THUMPD3: variants seen among roughly 807,000 people sequenced by gnomAD.
THUMPD3 encodes the protein tRNA (guanine(6)-N(2))-methyltransferase THUMP3.
A neutral mutation model predicts 54.5 loss-of-function variants in THUMPD3; 44 were observed. That is an observed-to-expected ratio of 0.81 (90% CI 0.63 to 1.04). The LOEUF is 1.04. Ranked by LOEUF, THUMPD3 falls within the 50% of genes least tolerant of loss-of-function variation. THUMPD3 has a pLI of 0.00. For missense variants in THUMPD3, 604 were observed against 601.3 expected, an observed-to-expected ratio of 1.00 and a Z score of -0.05; for synonymous variants, 196 against 201.4, an observed-to-expected ratio of 0.97 and a Z score of 0.23.
At chr3:9,375,418 G>A (rs996687997) in intron 5 of THUMPD3, among the ~76,000 whole-genome samples, 59 of 152,226 alleles carry the variant, frequency 3.9e-4, no homozygotes, top group African/African-American at 1.4e-3. Flanking sequence ...CAGAGTACAC[G>A]ACCTATCTTT....
chr3:9,383,393 AT>A, intron 8 of THUMPD3, 84 bp downstream of exon 8: 1 of 1,033,978 alleles, frequency 9.7e-7, no homozygotes. Context: ...AAAATCTTGA[AT>A]TTTAGCAGAC....
intron 9 of THUMPD3, 56 bp from the exon 10 acceptor site, chr3:9,384,468 A>T (rs2033182238): frequency 6.2e-7 from 1 of 1,609,874 alleles, no homozygotes; most frequent in African/African-American, 1.3e-5. Context: ...TAAGAATCCT[A>T]GTTGATGTAA....
intron 3 of THUMPD3, among the ~76,000 whole-genome samples, chr3:9,368,758 A>C (rs2031777399): frequency 6.6e-6 from 1 of 152,238 alleles, no homozygotes; most frequent in Non-Finnish European, 1.5e-5. Context: ...GTAAAGACTG[A>C]ATGGATATAG....
chr3:9,374,780 C>A, intron 5 of THUMPD3, 134 bp downstream of exon 5: 1 of 1,018,862 alleles, frequency 9.8e-7, no homozygotes, highest in Non-Finnish European at 1.4e-6. Flanking sequence ...GAATGGAAAG[C>A]TAATGATCTA....
chr3:9,365,251 G>T lies in THUMPD3; in HGVS notation c.183G>T (p.Gly61=). 1 of 1,614,134 alleles carries T rather than the reference G, an allele frequency of 6.2e-7. No individual in the cohort carries two copies. Among genetic ancestry groups the T allele is most frequent in the Non-Finnish European group, 8.5e-7 (1 of 1,180,028 alleles). Residue 61 remains glycine (G), a synonymous_variant, in exon 2 of 10, where the codon GGG becomes GGT. Coordinates refer to ENST00000452837, the MANE Select transcript of THUMPD3 (RefSeq NM_001114092.2). ...CAGATGAAGTCAGAGAGAAACTTGG[G>T]TCATCATGCAAAATCAGCAGAGACC... The part of the protein sequence containing the change: ...TAADEVREKL[G]SSCKISRDRG...
chr3:9,376,676 C>G (rs771173907), intron 5 of THUMPD3, among the ~76,000 whole-genome samples: 1 of 152,004 alleles, frequency 6.6e-6, no homozygotes, highest in Non-Finnish European at 1.5e-5. Flanking sequence ...ATCATACATG[C>G]GATAAGTCCC....
chr3:9,364,109 AAGAT>A lies in THUMPD3; in HGVS notation c.-53-900_-53-897del, dbSNP rs1186647609. 11 of 152,072 alleles carry A rather than the reference AAGAT, an allele frequency of 7.2e-5. No individual in the cohort carries two copies. In the East Asian group the frequency reaches 1.7e-3, roughly 24 times the overall value. 9.4% of individuals were successfully genotyped at this position (152,072 alleles called of 1,614,324 possible). A position where few individuals can be genotyped will look rare whatever the true frequency, so the allele number is the denominator to read the frequency against. On this transcript the variant is annotated intron_variant, in intron 1 of 9. Coordinates refer to ENST00000452837, the MANE Select transcript of THUMPD3 (RefSeq NM_001114092.2). Reference sequence around the variant, plus strand: ...GAAATGCTATTTCACAGGAGGGAAGAAGATAGATAGCCTATTAATAAGTTTTAAT... The same window carrying A: ...GAAATGCTATTTCACAGGAGGGAAGAAGATAGCCTATTAATAAGTTTTAAT...
chr3:9,381,346 T>C (rs2032877109), intron 7 of THUMPD3, among the ~76,000 whole-genome samples: 1 of 152,246 alleles, frequency 6.6e-6, no homozygotes, highest in Middle Eastern at 3.2e-3. Flanking sequence ...GTCTCTCTGA[T>C]CTAATTTTTT....
chr3:9,383,305 A>C lies in THUMPD3; in HGVS notation c.1231A>C (p.Lys411Gln). The C allele has an allele frequency of 6.2e-7, 1 of 1,604,082 alleles. No individual in the cohort carries two copies. Among genetic ancestry groups the C allele is most frequent in the Middle Eastern group, 1.7e-4 (1 of 6,052 alleles). ...DIIVTDLPFG[K>Q]RMGSKKRNWN... ...TATTGTAACAGATTTGCCATTTGGA[A>C]AAAGGTGAGAAATACTAGTACCTGC... The change falls in exon 8 of 10, where the codon AAA (lysine) becomes CAA (glutamine). Residue 411 changes from lysine (K) to glutamine (Q), a missense_variant. Physicochemically the swap from Lys to Gln is moderately conservative, Grantham distance 53. Coordinates refer to ENST00000452837, the MANE Select transcript of THUMPD3 (RefSeq NM_001114092.2).
chr3:9,382,920 A>G (rs2033033451), intron 7 of THUMPD3: 1 of 259,696 alleles, frequency 3.9e-6, no homozygotes, highest in Non-Finnish European at 7.6e-6. Context: ...TTTAGAGACA[A>G]GGTCTCACAG....
At chr3:9,375,057 A>T (rs560822283) in intron 5 of THUMPD3, among the ~76,000 whole-genome samples, 1 of 152,020 alleles carries the variant, frequency 6.6e-6, no homozygotes, top group Non-Finnish European at 1.5e-5. Context: ...ACATTTCACT[A>T]TGTTGGCGAG....
At position 9,365,046 on chromosome 3, in the gene THUMPD3, G is replaced by A. The variant is rs2031409890; in HGVS notation, c.-23G>A. On this transcript the variant is annotated 5_prime_UTR_variant, in exon 2 of 10. Coordinates refer to ENST00000452837, the MANE Select transcript of THUMPD3 (RefSeq NM_001114092.2). ...TACTGCTTTTAAAGAGACAGTGTTA[G>A]GGATCTTGGAAGCACAGCCAACATG... 6.2e-7 allele frequency: 1 copy of A among 1,609,808 alleles called. No individual in the cohort carries two copies. The highest frequency in any genetic ancestry group is 1.3e-5 in the African/African-American group (1 of 74,788).
chr3:9,381,347 C>A (rs921617045), intron 7 of THUMPD3, among the ~76,000 whole-genome samples: 1 of 152,142 alleles, frequency 6.6e-6, no homozygotes, highest in Non-Finnish European at 1.5e-5. Context: ...TCTCTCTGAT[C>A]TAATTTTTTA....
At chr3:9,381,366 C>A (rs2032878972) in intron 7 of THUMPD3, among the ~76,000 whole-genome samples, 1 of 152,194 alleles carries the variant, frequency 6.6e-6, no homozygotes, top group Non-Finnish European at 1.5e-5. Flanking sequence ...TAGGACAGTG[C>A]TTCTCAAACA....
chr3:9,381,781 T>C (rs931640437), intron 7 of THUMPD3, among the ~76,000 whole-genome samples: 3 of 71,012 alleles, frequency 4.2e-5, no homozygotes, highest in Non-Finnish European at 9.0e-5. Flanking sequence ...TTTTTTTTTT[T>C]TTTTTTTTTT....
At position 9,384,861 on chromosome 3, in the gene THUMPD3, T is replaced by G. The variant is rs990803570; in HGVS notation, c.*173T>G. 2.7e-6 allele frequency: 2 copies of G among 727,356 alleles called. No homozygotes were observed. The highest frequency in any genetic ancestry group is 4.4e-6 in the Non-Finnish European group (2 of 455,812). 45.1% of individuals were successfully genotyped at this position (727,356 alleles called of 1,614,324 possible). ...AATGTGATGGAATTTAAAAGTTTTATGAGACCAGGCACAGTGGCTCACGAC... is the reference window on the plus strand; with the variant it reads ...AATGTGATGGAATTTAAAAGTTTTAGGAGACCAGGCACAGTGGCTCACGAC... On this transcript the variant is annotated 3_prime_UTR_variant, in exon 10 of 10. Coordinates refer to ENST00000452837, the MANE Select transcript of THUMPD3 (RefSeq NM_001114092.2).
chr3:9,380,434 G>C (rs746068727), intron 6 of THUMPD3, 69 bp from the exon 7 acceptor site: 102 of 1,082,046 alleles, frequency 9.4e-5, no homozygotes, highest in Admixed American at 2.8e-4. Flanking sequence ...GATTTTCTTT[G>C]TTTGTTGACA....
intron 4 of THUMPD3, among the ~76,000 whole-genome samples, chr3:9,373,447 A>G (rs2032220516): frequency 6.6e-6 from 1 of 152,090 alleles, no homozygotes; most frequent in Admixed American, 6.5e-5. Context: ...GTGATCTGTG[A>G]TCATGCCACT....
chr3:9,382,069 C>T (rs904232984), intron 7 of THUMPD3, among the ~76,000 whole-genome samples: 8 of 152,042 alleles, frequency 5.3e-5, no homozygotes, highest in Admixed American at 2.6e-4. Context: ...AGGCATGAGC[C>T]ACTGTGCCCG....
Sources: gnomAD v4.1 joint callset for allele counts (sites outside exome capture counted in the v4.1 genomes callset) on GRCh38, gnomAD v4.1.1 for gene constraint, MANE v1.5 for transcripts, NCBI Gene and HGNC (gene_info 2026-07-23, HGNC 2026-07-21) for gene names.